ANXA4: variants seen among roughly 807,000 people sequenced by gnomAD.
ANXA4 encodes the protein 35-beta calcimedin.
In ANXA4, 39 loss-of-function variants were observed where a neutral mutation model predicts 49.8. That is an observed-to-expected ratio of 0.78 (90% CI 0.61 to 1.02). The LOEUF is 1.02. Among genes scored for constraint, ANXA4 ranks in the 50% least tolerant of loss-of-function variants. The probability of loss-of-function intolerance (pLI) is 0.00; values close to 1 mark genes in which losing one functional copy is unlikely to be tolerated. For missense variants in ANXA4, 360 were observed against 410.1 expected (o/e 0.88, Z 1.05); for synonymous variants, 134 against 152.5 (o/e 0.88, Z 0.89).
intron 1 of ANXA4, among the ~76,000 whole-genome samples, chr2:69,646,987 C>A (rs1676030079): frequency 6.6e-6 from 1 of 152,190 alleles, no homozygotes; most frequent in Admixed American, 6.5e-5. Flanking sequence ...CTTTGCTTCA[C>A]CTAATTGTAA....
intron 3 of ANXA4, 21 bp from the exon 4 acceptor site, chr2:69,804,512 C>T: frequency 1.2e-6 from 2 of 1,600,622 alleles, no homozygotes; most frequent in Non-Finnish European, 1.7e-6. Context: ...CACTTACCTG[C>T]TGTCTCCCTT....
In ANXA4 at chr2:69,794,522, ATTATGTTATGTTATG is replaced by A. The variant is rs58396740; in HGVS notation, c.97+6421_97+6435del. On this transcript the variant is annotated intron_variant, in intron 3 of 12. Transcript: ENST00000394295. ...GTTATGTTATATTATGTTATGTTAT[ATTATGTTATGTTATG>A]TTATGTTATGTTATGTTATGTTATG... 5.2e-4 allele frequency among the ~76,000 whole-genome samples: 66 copies of A among 126,378 alleles called. No individual in the cohort carries two copies. In the South Asian group the frequency reaches 0.011, roughly 20 times the overall value. The allele number at this position is 126,378 out of a possible 152,430, so 82.9% of individuals were successfully genotyped here.
At chr2:69,655,753 C>T (rs547748538) in intron 2 of ANXA4, among the ~76,000 whole-genome samples, 1 of 152,162 alleles carries the variant, frequency 6.6e-6, no homozygotes, top group Non-Finnish European at 1.5e-5. Context: ...GCACTGTTCA[C>T]AATAGCAAAG....
Position 69,653,278 on chromosome 2 carries a change from G to A in ANXA4, n.762G>A, listed in dbSNP as rs145869912. Reference sequence around the variant, plus strand: ...GCTTGAACTTTGTTACTGGTCCACAGTTAGGTAAGTACAGAAATGGAGAAT... The same window carrying A: ...GCTTGAACTTTGTTACTGGTCCACAATTAGGTAAGTACAGAAATGGAGAAT... On this transcript the variant is annotated non_coding_transcript_exon_variant, in exon 2 of 4. Coordinates refer to the ANXA4 transcript ENST00000418066. 3.0e-3 allele frequency: 460 copies of A among 152,360 alleles called. 2 individuals carry two copies. The highest frequency in any genetic ancestry group is 4.1e-3 in the Non-Finnish European group (276 of 68,038). The allele number at this position is 152,360 out of a possible 1,614,324, so 9.4% of individuals were successfully genotyped here.
intron 1 of ANXA4, among the ~76,000 whole-genome samples, chr2:69,770,774 C>A (rs1025174516): frequency 2.0e-5 from 3 of 151,922 alleles, no homozygotes; most frequent in Admixed American, 1.3e-4. Flanking sequence ...CAGACACACA[C>A]ATATTGCTAA....
chr2:69,677,839 A>G (rs1677461423), intron 2 of ANXA4, among the ~76,000 whole-genome samples: 2 of 152,220 alleles, frequency 1.3e-5, no homozygotes, highest in East Asian at 3.8e-4. Context: ...TTACCCCTAA[A>G]GCAAGCCAGA....
chr2:69,668,829 A>T (rs1289146541), intron 2 of ANXA4, among the ~76,000 whole-genome samples: 1 of 152,202 alleles, frequency 6.6e-6, no homozygotes, highest in Non-Finnish European at 1.5e-5. Context: ...CACATGTCCC[A>T]CAAGATGGTA....
At chr2:69,795,505 G>T (rs894022727) in intron 3 of ANXA4, among the ~76,000 whole-genome samples, 5 of 152,086 alleles carry the variant, frequency 3.3e-5, no homozygotes, top group African/African-American at 1.2e-4. Context: ...CTAGTATCGG[G>T]GTGTTGCAAG....
intron 1 of ANXA4, among the ~76,000 whole-genome samples, chr2:69,772,282 G>C (rs548030149): frequency 6.6e-6 from 1 of 152,234 alleles, no homozygotes; most frequent in South Asian, 2.1e-4. Context: ...TTGTGGACTT[G>C]GTCACAATGT....
chr2:69,810,842 C>A, intron 7 of ANXA4, 169 bp downstream of exon 7: 1 of 598,664 alleles, frequency 1.7e-6, no homozygotes, highest in Non-Finnish European at 3.0e-6. Context: ...TCTGGCTAAT[C>A]CTGCCTGCCC....
At chr2:69,645,538 G>T (rs1675975746) in intron 1 of ANXA4, among the ~76,000 whole-genome samples, 1 of 152,168 alleles carries the variant, frequency 6.6e-6, no homozygotes, top group South Asian at 2.1e-4. Flanking sequence ...GCTGTGCTAG[G>T]TCCTAAAATC....
At chr2:69,709,554 C>T (rs1274725473) in intron 2 of ANXA4, among the ~76,000 whole-genome samples, 1 of 152,208 alleles carries the variant, frequency 6.6e-6, no homozygotes, top group Non-Finnish European at 1.5e-5. Context: ...ATGATCTTCC[C>T]AAGTCACTGA....
intron 1 of ANXA4, among the ~76,000 whole-genome samples, chr2:69,747,028 C>T (rs756447744): frequency 1.3e-5 from 2 of 151,834 alleles, no homozygotes; most frequent in African/African-American, 4.8e-5. Context: ...TTCCATTTTC[C>T]TCCTCCTCCC....
At chr2:69,766,584 C>T (rs1240557367) in intron 1 of ANXA4, among the ~76,000 whole-genome samples, 1 of 152,144 alleles carries the variant, frequency 6.6e-6, no homozygotes, top group Non-Finnish European at 1.5e-5. Flanking sequence ...GAGAAGTTTC[C>T]GTTTATCTGA....
chr2:69,741,961 C>T (rs1338762737), upstream of ANXA4: 1 of 152,232 alleles, frequency 6.6e-6, no homozygotes, highest in East Asian at 1.9e-4. Context: ...GCCTGCCTCT[C>T]CGAGAGCTCC....
intron 8 of ANXA4, among the ~76,000 whole-genome samples, chr2:69,814,126 T>C (rs954735922): frequency 2.0e-5 from 3 of 151,792 alleles, no homozygotes; most frequent in Non-Finnish European, 2.9e-5. Flanking sequence ...TTGTGAGGTA[T>C]GAACAACTTT....
chr2:69,802,070 T>C (rs1326440706), intron 3 of ANXA4, among the ~76,000 whole-genome samples: 1 of 152,200 alleles, frequency 6.6e-6, no homozygotes, highest in Non-Finnish European at 1.5e-5. Flanking sequence ...ATGTGGCTAT[T>C]TACAATAGTG....
chr2:69,818,700 C>T lies in ANXA4; in HGVS notation c.724+6C>T. Reference sequence around the variant, plus strand: ...AGATGCTCTGCTGGCTATAGGTAAGCTGGTAGGGGGAGTAGAGAAACAAAT... The same window carrying T: ...AGATGCTCTGCTGGCTATAGGTAAGTTGGTAGGGGGAGTAGAGAAACAAAT... On this transcript the variant is annotated splice_donor_region_variant and intron_variant, in intron 10 of 12. Coordinates refer to ENST00000394295, the MANE Select transcript of ANXA4 (RefSeq NM_001153.5). 6.3e-7 allele frequency: 1 copy of T among 1,580,488 alleles called. No homozygotes were observed.
chr2:69,767,144 T>C (rs1671525026), intron 1 of ANXA4, among the ~76,000 whole-genome samples: 1 of 152,366 alleles, frequency 6.6e-6, no homozygotes, highest in South Asian at 2.1e-4. Context: ...AAAAAACATG[T>C]TGCAGCTGTG....
Sources: allele counts gnomAD v4.1 joint callset (sites outside exome capture counted in the v4.1 genomes callset), GRCh38; gene constraint gnomAD v4.1.1; transcripts MANE v1.5; gene names NCBI Gene and HGNC (gene_info 2026-07-23, HGNC 2026-07-21).